SLC25A53: variants seen among roughly 807,000 people sequenced by gnomAD.
SLC25A53 encodes the protein mitochondrial carrier triple repeat protein 6.
In SLC25A53, 5 loss-of-function variants were observed where a neutral mutation model predicts 15.0. The ratio of observed to expected loss-of-function variants is 0.33; its 90% CI spans 0.17 to 0.70. The LOEUF (loss-of-function observed/expected upper bound fraction) is 0.70. Ranked by LOEUF, SLC25A53 falls within the 30% of genes least tolerant of loss-of-function variation. The pLI is 0.67. For missense variants in SLC25A53, 216 were observed against 241.6 expected (o/e 0.89, Z 0.70); for synonymous variants, 95 against 100.0 (o/e 0.95, Z 0.30).
rs1469158660 is a variant in SLC25A53, at chrX:104,108,809, G to C, written c.-31-3521C>G. Among the ~76,000 whole-genome samples the C allele has an allele frequency of 2.7e-5, 3 of 111,832 alleles. No individual in the cohort carries two copies. In the East Asian group the frequency reaches 8.4e-4, roughly 31 times the overall value. On this transcript the variant is annotated intron_variant, in intron 1 of 1. Transcript: ENST00000594199. ...GTCTGTTCATTCAGGGCATCTCTCA[G>C]CCAGTCCTTTGGTCTGCTCACAAAC...
At chrX:104,146,434 T>C (rs1556368952) in intron 1 of SLC25A53, among the ~76,000 whole-genome samples, 2 of 111,497 alleles carry the variant, frequency 1.8e-5, no homozygotes, top group African/African-American at 3.3e-5. Flanking sequence ...CTATTCAACA[T>C]AGTGTTGGAA....
chrX:104,147,703 C>T (rs1196890782), intron 1 of SLC25A53, among the ~76,000 whole-genome samples: 1 of 111,819 alleles, frequency 8.9e-6, no homozygotes, highest in African/African-American at 3.3e-5. Context: ...TGAAAAACTG[C>T]TCACCATCAC....
rs2075274590 is a variant in SLC25A53, at chrX:104,100,220, C to G, written c.*4114G>C. On this transcript the variant is annotated 3_prime_UTR_variant, in exon 2 of 2. Coordinates refer to ENST00000594199, the MANE Select transcript of SLC25A53 (RefSeq NM_001012755.5). ...GATTTGTCATAAAACGTTATTATTT[C>G]AACTTGAGCTTTATAAAAGCTGATG... The G allele has an allele frequency of 9.0e-6, 1 of 111,548 alleles. No homozygotes were observed. The highest frequency in any genetic ancestry group is 3.3e-5 in the African/African-American group (1 of 30,723). The allele number at this position is 111,548 out of a possible 1,213,427, so 9.2% of individuals were successfully genotyped here. A position where few individuals can be genotyped will look rare whatever the true frequency, so the allele number is the denominator to read the frequency against.
Position 104,104,919 on chromosome X carries a change from G to C in SLC25A53, c.339C>G (p.Thr113=). 8.3e-7 allele frequency: 1 copy of C among 1,211,648 alleles called. No individual in the cohort carries two copies. The highest frequency in any genetic ancestry group is 1.1e-6 in the Non-Finnish European group (1 of 895,531). Residue 113 remains threonine (T), a synonymous_variant, in exon 2 of 2, where the codon ACC becomes ACG. Transcript: ENST00000594199. ...LCFLSPVGPH[T]LGHRWAAGLM... Reference sequence around the variant, plus strand: ...GCCCGGCAGCCCAGCGGTGTCCCAGGGTGTGTGGCCCAACAGGAGAGAGAA... The same window carrying C: ...GCCCGGCAGCCCAGCGGTGTCCCAGCGTGTGTGGCCCAACAGGAGAGAGAA...
chrX:104,152,689 C>T (rs973812494), intron 1 of SLC25A53, among the ~76,000 whole-genome samples: 1 of 111,568 alleles, frequency 9.0e-6, no homozygotes, highest in Non-Finnish European at 1.9e-5. Context: ...CCACCTGCCT[C>T]GGCCTCCTAA....
At chrX:104,114,072 G>A (rs782447455) in intron 1 of SLC25A53, 2 of 1,210,302 alleles carry the variant, frequency 1.7e-6, no homozygotes, top group South Asian at 1.8e-5. Flanking sequence ...CAAAAAGCGC[G>A]AGCATCTTGT....
At chrX:104,150,901 C>T (rs1228856350) in intron 1 of SLC25A53, among the ~76,000 whole-genome samples, 1 of 111,574 alleles carries the variant, frequency 9.0e-6, no homozygotes, top group Non-Finnish European at 1.9e-5. Flanking sequence ...CAGGTGTGTT[C>T]CTGGTGGTCT....
chrX:104,154,280 A>C lies in SLC25A53; in HGVS notation c.-32+2598T>G, dbSNP rs987691362. Among the ~76,000 whole-genome samples, 71 of 112,295 alleles carry C rather than the reference A, an allele frequency of 6.3e-4. 3 individuals are homozygous for C. Among genetic ancestry groups the C allele is most frequent in the Non-Finnish European group, 1.3e-4 (7 of 53,253 alleles). On this transcript the variant is annotated intron_variant, in intron 1 of 1. Transcript: ENST00000594199. ...CGCTAGGGACATGCAAATTAAAATC[A>C]CAATGATATATTATCTCACACCTTC...
At chrX:104,125,899 C>T (rs973294969) in intron 1 of SLC25A53, among the ~76,000 whole-genome samples, 1 of 112,014 alleles carries the variant, frequency 8.9e-6, no homozygotes, top group Non-Finnish European at 1.9e-5. Flanking sequence ...CATGGAGATA[C>T]ACGCAGTGCT....
chrX:104,105,400 C>G, intron 1 of SLC25A53, 112 bp from the exon 2 acceptor site: 1 of 475,576 alleles, frequency 2.1e-6, no homozygotes, highest in Middle Eastern at 6.1e-4. Flanking sequence ...CGGAAACAAG[C>G]AACTCTTTGA....
chrX:104,129,860 ATGTGTGTGTGTGTGTGTG>A (rs60729916), intron 1 of SLC25A53, among the ~76,000 whole-genome samples: 3 of 89,996 alleles, frequency 3.3e-5, no homozygotes, highest in South Asian at 6.2e-4. Context: ...ACACAAATGT[ATGTGTGTGTGTGTGTGTG>A]TGTGTGTGTG....
intron 1 of SLC25A53, among the ~76,000 whole-genome samples, chrX:104,121,655 A>C (rs1274211335): frequency 3.7e-5 from 4 of 108,180 alleles, no homozygotes; most frequent in Non-Finnish European, 7.6e-5. Flanking sequence ...AAACTCCCCA[A>C]ATTAAGTTTT....
At chrX:104,147,196 A>C (rs1232906753) in intron 1 of SLC25A53, among the ~76,000 whole-genome samples, 14 of 111,697 alleles carry the variant, frequency 1.3e-4, no homozygotes, top group Admixed American at 9.5e-4. Context: ...AAAACAAGCA[A>C]TGGGGAAGGG....
Position 104,101,447 on chromosome X carries a change from C to G in SLC25A53, c.*2887G>C, listed in dbSNP as rs2075280104. 8.9e-6 allele frequency: 1 copy of G among 112,101 alleles called. No individual in the cohort carries two copies. The highest frequency in any genetic ancestry group is 3.7e-4 in the South Asian group (1 of 2,680). 9.2% of individuals were successfully genotyped at this position (112,101 alleles called of 1,213,427 possible). On this transcript the variant is annotated 3_prime_UTR_variant, in exon 2 of 2. Coordinates refer to ENST00000594199, the MANE Select transcript of SLC25A53 (RefSeq NM_001012755.5). ...CCTTGGTCTTCCTGGTGACTAGTTCCCATCCTGAAGCAACCAGAGGCTGCC... is the reference window on the plus strand; with the variant it reads ...CCTTGGTCTTCCTGGTGACTAGTTCGCATCCTGAAGCAACCAGAGGCTGCC...
chrX:104,138,938 G>A (rs2075443932), intron 1 of SLC25A53, among the ~76,000 whole-genome samples: 1 of 112,040 alleles, frequency 8.9e-6, no homozygotes, highest in South Asian at 3.7e-4. Context: ...CTAGCGTCTC[G>A]GGGTTTTTAT....
At position 104,104,256 on chromosome X, in the gene SLC25A53, T is replaced by G. The variant is rs41304454; in HGVS notation, c.*78A>C. 26,195 of 997,289 alleles carry G rather than the reference T, an allele frequency of 0.026. 343 individuals carry two copies. Among genetic ancestry groups the G allele is most frequent in the Non-Finnish European group, 0.033 (23,801 of 727,984 alleles). The allele number at this position is 997,289 out of a possible 1,213,427, so 82.2% of individuals were successfully genotyped here. On this transcript the variant is annotated 3_prime_UTR_variant, in exon 2 of 2. Transcript: ENST00000594199. ...TAAAGGATGGCTGTATTAGGCAACC[T>G]AGCCAAAGAAGTAAGCTATATAGAA...
intron 1 of SLC25A53, among the ~76,000 whole-genome samples, chrX:104,145,851 C>T (rs1026240592): frequency 8.9e-6 from 1 of 111,850 alleles, no homozygotes; most frequent in Non-Finnish European, 1.9e-5. Flanking sequence ...CAGGACCAGA[C>T]GGATTCACAG....
chrX:104,110,568 A>C (rs1556357962), intron 1 of SLC25A53, among the ~76,000 whole-genome samples: 1 of 112,336 alleles, frequency 8.9e-6, no homozygotes, highest in African/African-American at 3.2e-5. Context: ...GCTTCTAAAC[A>C]TCAGGAGTCA....
At chrX:104,152,911 C>A (rs1556370634) in intron 1 of SLC25A53, among the ~76,000 whole-genome samples, 1 of 111,174 alleles carries the variant, frequency 9.0e-6, no homozygotes, top group African/African-American at 3.3e-5. Flanking sequence ...ACTGGCCTAG[C>A]GAGATTTGGG....
Sources: gnomAD v4.1 joint callset for allele counts (sites outside exome capture counted in the v4.1 genomes callset) on GRCh38, gnomAD v4.1.1 for gene constraint, MANE v1.5 for transcripts, NCBI Gene and HGNC (gene_info 2026-07-23, HGNC 2026-07-21) for gene names.